BRIP1: variants seen among roughly 807,000 people sequenced by gnomAD.
BRIP1 encodes BRCA1 interacting DNA helicase 1, also known as Fanconi anemia group J protein.
BRIP1 carries 88 observed loss-of-function variants against 119.7 expected under a neutral mutation model. The observed-to-expected ratio is 0.74, with a 90% CI of 0.62 to 0.88. BRIP1 has a LOEUF of 0.88. Among genes scored for constraint, BRIP1 ranks in the 40% least tolerant of loss-of-function variants. BRIP1 has a pLI of 0.00. For synonymous variants in BRIP1, 443 were observed against 496.5 expected, an observed-to-expected ratio of 0.89 and a Z score of 1.43; for missense variants, 1,259 against 1,455.4, an observed-to-expected ratio of 0.87 and a Z score of 2.20.
chr17:61,772,776 C>T, intron 14 of BRIP1, among the ~76,000 whole-genome samples: 1 of 138,784 alleles, frequency 7.2e-6, no homozygotes, highest in Admixed American at 8.6e-5. Flanking sequence ...CAAGATCACA[C>T]CATTGCACTC....
chr17:61,820,742 G>C (rs763424520), intron 6 of BRIP1, among the ~76,000 whole-genome samples: 2 of 152,136 alleles, frequency 1.3e-5, no homozygotes, highest in Non-Finnish European at 2.9e-5. Flanking sequence ...TTGAGGTCAG[G>C]AGTTCAAAAT....
chr17:61,727,445 C>G (rs2076780571), intron 16 of BRIP1, among the ~76,000 whole-genome samples: 1 of 152,102 alleles, frequency 6.6e-6, no homozygotes. Context: ...AACACTTTTG[C>G]TATCTAGATT....
chr17:61,826,239 C>T (rs1335478287), intron 6 of BRIP1, among the ~76,000 whole-genome samples: 6 of 151,916 alleles, frequency 3.9e-5, no homozygotes, highest in African/African-American at 1.5e-4. Context: ...ACACCGTATT[C>T]AAAAATTAAG....
rs1490577156 is a variant in BRIP1 at position 61,756,591 on chromosome 17, C to G, written c.2098-12000G>C. On this transcript the variant is annotated intron_variant, in intron 14 of 19. Coordinates refer to ENST00000259008, the MANE Select transcript of BRIP1 (RefSeq NM_032043.3). The surrounding 1 kb of genome is among the most constrained non-coding windows in gnomAD (Gnocchi z 4.3). ...ACACTTTAGAATGCCCATGTCTTAT[C>G]TGGATATTGTCATTTTACTTTGTCA... is the stretch of plus-strand genomic sequence containing the variant. Among the ~76,000 whole-genome samples the G allele has an allele frequency of 6.6e-6, 1 of 152,166 alleles. No homozygotes were observed. Among genetic ancestry groups the G allele is most frequent in the East Asian group, 1.9e-4 (1 of 5,188 alleles).
intron 17 of BRIP1, among the ~76,000 whole-genome samples, chr17:61,696,490 T>C (rs2061522891): frequency 6.6e-6 from 1 of 152,122 alleles, no homozygotes; most frequent in Non-Finnish European, 1.5e-5. Context: ...TAAATATTTC[T>C]CTCCCATTTT....
intron 16 of BRIP1, among the ~76,000 whole-genome samples, chr17:61,719,847 G>C (rs1001254862): frequency 6.6e-6 from 1 of 152,008 alleles, no homozygotes; most frequent in Non-Finnish European, 1.5e-5. Flanking sequence ...GTTTTTTTGA[G>C]AGACAGGGCC....
intron 6 of BRIP1, 65 bp downstream of exon 6, chr17:61,847,036 A>G (rs2078743885): frequency 2.5e-6 from 4 of 1,594,936 alleles, no homozygotes; most frequent in Admixed American, 1.7e-5. Flanking sequence ...CTCTTTTGTC[A>G]AAAATTGGTT....
chr17:61,852,135 A>T lies in BRIP1; in HGVS notation c.380-2879T>A, dbSNP rs887811845. Among the ~76,000 whole-genome samples the T allele has an allele frequency of 6.6e-6, 1 of 152,204 alleles. No individual in the cohort carries two copies. Among genetic ancestry groups the T allele is most frequent in the African/African-American group, 2.4e-5 (1 of 41,448 alleles). On this transcript the variant is annotated intron_variant, in intron 4 of 19. Coordinates refer to ENST00000259008, the MANE Select transcript of BRIP1 (RefSeq NM_032043.3). The surrounding 1 kb of genome is among the most constrained non-coding windows in gnomAD (Gnocchi z 4.9). ...GGGTAGGGAATGTCCACCCAAAATG[A>T]TCATTTAGTTTTAGAAAACTGAACT...
chr17:61,772,820 G>GAA lies in BRIP1; in HGVS notation c.2097+3579_2097+3580dup, dbSNP rs71355193. On this transcript the variant is annotated intron_variant, in intron 14 of 19. Transcript: ENST00000259008. The stretch of plus-strand genomic sequence containing the variant: ...GCAACAAGGGTAAAATTCCATCTCA[G>GAA]AAAAAAAAAAAAAAAAAAAAAAACC... Among the ~76,000 whole-genome samples the GAA allele has an allele frequency of 6.5e-3, 346 of 53,372 alleles. 5 individuals are homozygous for GAA. The highest frequency in any genetic ancestry group is 0.023 in the African/African-American group (287 of 12,332). The allele number at this position is 53,372 out of a possible 152,430, so 35.0% of individuals were successfully genotyped here.
At chr17:61,692,114 C>T (rs1327177266) in intron 18 of BRIP1, among the ~76,000 whole-genome samples, 1 of 152,200 alleles carries the variant, frequency 6.6e-6, no homozygotes, top group Non-Finnish European at 1.5e-5. Flanking sequence ...TCATGAAAGC[C>T]TTGGTGCTAT....
chr17:61,685,624 C>T, intron 19 of BRIP1: 3 of 565,492 alleles, frequency 5.3e-6, no homozygotes, highest in East Asian at 2.9e-5. Flanking sequence ...AGTGGCAAAG[C>T]CAGTTAGTGG....
chr17:61,703,064 T>TTGTC lies in BRIP1; in HGVS notation c.2493-9553_2493-9552insGACA, dbSNP rs2061640573. On this transcript the variant is annotated intron_variant, in intron 17 of 19. Coordinates refer to ENST00000259008, the MANE Select transcript of BRIP1 (RefSeq NM_032043.3). The surrounding 1 kb of genome is among the most constrained non-coding windows in gnomAD (Gnocchi z 5.0). The stretch of plus-strand genomic sequence containing the variant: ...TGTGTATGTATGTGTTTTTTTGTTT[T>TTGTC]TGTTTGTTTGTTTGTTTTGAGACAG... 6.6e-6 allele frequency among the ~76,000 whole-genome samples: 1 copy of TTGTC among 151,926 alleles called. No individual in the cohort carries two copies. Among genetic ancestry groups the TTGTC allele is most frequent in the African/African-American group, 2.4e-5 (1 of 41,386 alleles).
rs1347795567 is a variant in BRIP1 at position 61,739,967 on chromosome 17, T to C, written c.2379+3046A>G. ...AGATTGAGTAACTGGTTTAAGAATATTTCTTCCATTGTAAGTAATCGCATA... is the reference window on the plus strand; with the variant it reads ...AGATTGAGTAACTGGTTTAAGAATACTTCTTCCATTGTAAGTAATCGCATA... On this transcript the variant is annotated intron_variant, in intron 16 of 19. Coordinates refer to ENST00000259008, the MANE Select transcript of BRIP1 (RefSeq NM_032043.3). The surrounding 1 kb of genome is among the most constrained non-coding windows in gnomAD (Gnocchi z 6.0). 2.0e-5 allele frequency among the ~76,000 whole-genome samples: 3 copies of C among 152,234 alleles called. No individual in the cohort carries two copies. In the East Asian group the frequency reaches 5.8e-4, roughly 29 times the overall value.
rs948425924 is a variant in BRIP1 at position 61,742,793 on chromosome 17, A to G, written c.2379+220T>C. On this transcript the variant is annotated intron_variant, in intron 16 of 19. Transcript: ENST00000259008. This position sits in a 1 kb window ranked among gnomAD's most constrained non-coding sequence, Gnocchi z 4.7. Reference sequence around the variant, plus strand: ...TAATAATAATGAAAAGGTTTGAAATATCGTGAGAATTAACCCAAATGTGAA... The same window carrying G: ...TAATAATAATGAAAAGGTTTGAAATGTCGTGAGAATTAACCCAAATGTGAA... Among the ~76,000 whole-genome samples, 6 of 152,206 alleles carry G rather than the reference A, an allele frequency of 3.9e-5. No homozygotes were observed. Among genetic ancestry groups the G allele is most frequent in the African/African-American group, 1.4e-4 (6 of 41,448 alleles).
rs764256720 is a variant in BRIP1, at chr17:61,849,239, T to A, written c.397A>T (p.Thr133Ser). The change falls in exon 5 of 20, where the codon ACT becomes TCT. Residue 133 changes from threonine (T) to serine (S), a missense_variant. Thr to Ser is a moderately conservative substitution (Grantham distance 58). Coordinates refer to ENST00000259008, the MANE Select transcript of BRIP1 (RefSeq NM_032043.3). ...STCQDSPEKTTLAAKLSAKKQ... is the reference protein window; with the variant it reads ...STCQDSPEKTSLAAKLSAKKQ... ...TTAGCAGATAACTTTGCAGCCAGAG[T>A]GGTTTTTTCAGGGGAGTCTTATATA... is the stretch of plus-strand genomic sequence containing the variant. 5.0e-6 allele frequency: 8 copies of A among 1,613,102 alleles called. No homozygotes were observed. In the South Asian group the frequency reaches 8.8e-5, roughly 18 times the overall value.
chr17:61,852,529 G>A lies in BRIP1; in HGVS notation c.380-3273C>T, dbSNP rs138131230. ...CTAAAAATACAAAAATCAGCCGGGC[G>A]TGGTGGCAGGTGCCTGTAATCCCAG... On this transcript the variant is annotated intron_variant, in intron 4 of 19. Transcript: ENST00000259008. The surrounding 1 kb of genome is among the most constrained non-coding windows in gnomAD (Gnocchi z 4.9). Among the ~76,000 whole-genome samples, 8 of 152,152 alleles carry A rather than the reference G, an allele frequency of 5.3e-5. No homozygotes were observed. The highest frequency in any genetic ancestry group is 1.4e-4 in the African/African-American group (6 of 41,498).
At chr17:61,859,669 A>T in intron 3 of BRIP1, 127 bp downstream of exon 3, 1 of 697,222 alleles carries the variant, frequency 1.4e-6, no homozygotes, top group Admixed American at 2.3e-5. Flanking sequence ...AACTTATTTC[A>T]AAGAAACATC....
rs2061950946 is a variant in BRIP1, at chr17:61,720,178, A to G, written c.2380-4115T>C. Among the ~76,000 whole-genome samples, 1 of 152,198 alleles carries G rather than the reference A, an allele frequency of 6.6e-6. No individual in the cohort carries two copies. Among genetic ancestry groups the G allele is most frequent in the African/African-American group, 2.4e-5 (1 of 41,450 alleles). ...ATAAAGTTACAGCTAGATAGAAGGA[A>G]TAAGTTCTAATCTTTTATACCACAG... is the stretch of plus-strand genomic sequence containing the variant. On this transcript the variant is annotated intron_variant, in intron 16 of 19. Transcript: ENST00000259008. The surrounding 1 kb of genome is among the most constrained non-coding windows in gnomAD (Gnocchi z 4.3).
chr17:61,793,491 A>C lies in BRIP1; in HGVS notation c.1473+106T>G, dbSNP rs1257025023. 1.2e-5 allele frequency: 12 copies of C among 1,034,568 alleles called. No individual in the cohort carries two copies. In the East Asian group the frequency reaches 2.9e-4, roughly 25 times the overall value. 64.1% of individuals were successfully genotyped at this position (1,034,568 alleles called of 1,614,324 possible). Reference sequence around the variant, plus strand: ...AAAATTTTTAAAAAATTAAATTGCTATATTTAACAATTCTGGGTTACTCAC... The same window carrying C: ...AAAATTTTTAAAAAATTAAATTGCTCTATTTAACAATTCTGGGTTACTCAC... On this transcript the variant is annotated intron_variant, in intron 10 of 19. Coordinates refer to ENST00000259008, the MANE Select transcript of BRIP1 (RefSeq NM_032043.3). This position sits in a 1 kb window ranked among gnomAD's most constrained non-coding sequence, Gnocchi z 5.2.
Sources: gnomAD v4.1 joint callset for allele counts (sites outside exome capture counted in the v4.1 genomes callset) on GRCh38, gnomAD v4.1.1 for gene constraint, Gnocchi (gnomAD v3.1) non-coding constraint, MANE v1.5 for transcripts, NCBI Gene and HGNC (gene_info 2026-07-23, HGNC 2026-07-21) for gene names.